Variants in TIAM2 observed in about 807,000 individuals in gnomAD.
TIAM2 encodes rho guanine nucleotide exchange factor TIAM2.
TIAM2 carries 80 observed loss-of-function variants against 152.9 expected under a neutral mutation model. That is an observed-to-expected ratio of 0.52 (90% CI 0.44 to 0.63). The LOEUF is 0.63. Ranked by LOEUF, TIAM2 falls within the 30% of genes least tolerant of loss-of-function variation. TIAM2 has a pLI of 0.00. For missense variants in TIAM2, 1,965 were observed against 2,120.1 expected (o/e 0.93, Z 1.44); for synonymous variants, 804 against 838.0 (o/e 0.96, Z 0.70).
At chr6:155,191,991 A>G (rs1226882652) in intron 14 of TIAM2, among the ~76,000 whole-genome samples, 1 of 152,178 alleles carries the variant, frequency 6.6e-6, no homozygotes, top group Admixed American at 6.5e-5. Flanking sequence ...TGAAGATATG[A>G]TTAAGTTAAC....
At chr6:155,009,091 C>CTT (rs61651734) in intron 1 of TIAM2, among the ~76,000 whole-genome samples, 18 of 61,470 alleles carry the variant, frequency 2.9e-4, no homozygotes, top group African/African-American at 4.8e-4. Context: ...CTCAGAAGAT[C>CTT]TTTTTTTTTT....
Position 155,183,256 on chromosome 6 carries a change from GA to G in TIAM2, c.2821del (p.Ile941SerfsTer2), listed in dbSNP as rs1562345608. ...YGEGLRKGNE[I>X]MTLNGEAVSD... Reference sequence around the variant, plus strand: ...TCTCAGGGCTGAGAAAGGGCAATGAGATCATGACCTTAAATGGGGAAGCTGT... The same window carrying G: ...TCTCAGGGCTGAGAAAGGGCAATGAGTCATGACCTTAAATGGGGAAGCTGT... On this transcript the variant is annotated frameshift_variant, in exon 14 of 27. Transcript: ENST00000682666. LOFTEE classifies it high-confidence loss of function. 1.2e-6 allele frequency: 2 copies of G among 1,614,052 alleles called. No individual in the cohort carries two copies. The highest frequency in any genetic ancestry group is 1.7e-6 in the Non-Finnish European group (2 of 1,180,020).
chr6:155,206,924 G>A (rs183787796), intron 14 of TIAM2, among the ~76,000 whole-genome samples: 618 of 152,296 alleles, frequency 4.1e-3, no homozygotes, highest in South Asian at 0.019. Flanking sequence ...TTTCTGGAGT[G>A]AGTCTGAACA....
chr6:155,072,556 G>T (rs1166375677), intron 1 of TIAM2, among the ~76,000 whole-genome samples: 1 of 152,142 alleles, frequency 6.6e-6, no homozygotes, highest in Non-Finnish European at 1.5e-5. Flanking sequence ...AGAAAGGGGG[G>T]CCAGGTGATA....
chr6:155,016,688 C>T (rs1778594088), intron 1 of TIAM2, among the ~76,000 whole-genome samples: 1 of 150,480 alleles, frequency 6.6e-6, no homozygotes, highest in Non-Finnish European at 1.5e-5. Context: ...TGCTTGAGGT[C>T]AGGAGTTCAA....
intron 2 of TIAM2, among the ~76,000 whole-genome samples, chr6:155,113,519 G>C (rs1285215862): frequency 6.6e-6 from 1 of 151,990 alleles, no homozygotes; most frequent in Admixed American, 6.6e-5. Flanking sequence ...TCAGGAGTTC[G>C]AGACCAGCCT....
chr6:155,034,293 C>T (rs1174709607), intron 1 of TIAM2, among the ~76,000 whole-genome samples: 1 of 152,084 alleles, frequency 6.6e-6, no homozygotes, highest in East Asian at 1.9e-4. Flanking sequence ...CTCCATTGCC[C>T]AGGCTGGAGT....
chr6:155,000,917 G>A (rs1325890055), intron 1 of TIAM2, among the ~76,000 whole-genome samples: 1 of 152,158 alleles, frequency 6.6e-6, no homozygotes, highest in Non-Finnish European at 1.5e-5. Flanking sequence ...CCGAGAGGTG[G>A]AGGTTGCAGT....
chr6:155,249,859 A>AATT lies in TIAM2; in HGVS notation c.3842_3843insTTA (p.Lys1281delinsAsnTer). 3 of 1,612,706 alleles carry AATT rather than the reference A, an allele frequency of 1.9e-6. No individual in the cohort carries two copies. Among genetic ancestry groups the AATT allele is most frequent in the Non-Finnish European group, 2.5e-6 (3 of 1,179,442 alleles). ...GATTTCATATCTTGCAGAAGCACTA[A>AATT]AGGCAATGGAGAAAGTAGCGAGCCA... On this transcript the variant is annotated stop_gained and protein_altering_variant, in exon 21 of 27. Coordinates refer to ENST00000682666, the MANE Select transcript of TIAM2 (RefSeq NM_012454.4). LOFTEE classifies it high-confidence loss of function.
rs150185368 is a variant in TIAM2, at chr6:155,148,211, G to A, written c.1905G>A (p.Leu635=). 742 of 1,613,244 alleles carry A rather than the reference G, an allele frequency of 4.6e-4. 2 individuals are homozygous for A. Among genetic ancestry groups the A allele is most frequent in the Middle Eastern group, 1.3e-3 (7 of 5,300 alleles). ...ATGGGAAAGAGGACACGCTGCGGCT[G>A]CTGAAGAACCAGACCAAAAACCTGC... The part of the protein sequence containing the change: ...KKHGKEDTLR[L]LKNQTKNLLQ... The change falls in exon 7 of 27, where the codon CTG becomes CTA. Residue 635 remains leucine (L), a synonymous_variant. Coordinates refer to ENST00000682666, the MANE Select transcript of TIAM2 (RefSeq NM_012454.4).
At chr6:155,093,553 C>A (rs923287265) in intron 2 of TIAM2, among the ~76,000 whole-genome samples, 16 of 152,212 alleles carry the variant, frequency 1.1e-4, no homozygotes, top group Non-Finnish European at 1.9e-4. Flanking sequence ...GCAGGAAGCA[C>A]TAGGACCGGC....
At chr6:155,185,489 CTTTT>C (rs1419094101) in intron 14 of TIAM2, among the ~76,000 whole-genome samples, 20 of 137,136 alleles carry the variant, frequency 1.5e-4, no homozygotes, top group Non-Finnish European at 2.8e-4. Context: ...AGTTAAGCCA[CTTTT>C]ATTTATTTAT....
intron 1 of TIAM2, chr6:155,005,054 G>A: frequency 2.1e-6 from 1 of 487,080 alleles, no homozygotes; most frequent in Non-Finnish European, 3.3e-6. Context: ...GCCAGTGGAT[G>A]GTCAGTTGCA....
chr6:155,199,460 A>G (rs1234073809), intron 14 of TIAM2, among the ~76,000 whole-genome samples: 2 of 152,196 alleles, frequency 1.3e-5, no homozygotes, highest in Non-Finnish European at 2.9e-5. Flanking sequence ...TAACATTTGT[A>G]AAAGACTATG....
chr6:155,140,686 G>A (rs1436980045), intron 5 of TIAM2, among the ~76,000 whole-genome samples: 3 of 151,956 alleles, frequency 2.0e-5, no homozygotes, highest in Non-Finnish European at 2.9e-5. Context: ...AGATGGAGGA[G>A]GGCATAAAGA....
intron 1 of TIAM2, among the ~76,000 whole-genome samples, chr6:155,019,997 G>T (rs1179224096): frequency 6.6e-6 from 1 of 152,074 alleles, no homozygotes; most frequent in African/African-American, 2.4e-5. Context: ...AGGTTGCAGT[G>T]AGCCGAGATT....
chr6:155,038,074 C>T (rs893757400), intron 1 of TIAM2, among the ~76,000 whole-genome samples: 29 of 152,152 alleles, frequency 1.9e-4, no homozygotes, highest in Non-Finnish European at 3.5e-4. Context: ...AAATAAGGAG[C>T]ATTAAAACAA....
chr6:155,237,715 T>C (rs1395007206), intron 15 of TIAM2, among the ~76,000 whole-genome samples: 7 of 152,252 alleles, frequency 4.6e-5, no homozygotes. Flanking sequence ...TCTGAAGCCA[T>C]GGCTCAAGCT....
chr6:155,027,320 C>A (rs1487501315), intron 1 of TIAM2, among the ~76,000 whole-genome samples: 3 of 147,176 alleles, frequency 2.0e-5, no homozygotes, highest in African/African-American at 7.4e-5. Flanking sequence ...GCCATCGCAC[C>A]TGTATATTAT....
Sources: allele counts gnomAD v4.1 joint callset (sites outside exome capture counted in the v4.1 genomes callset), GRCh38; gene constraint gnomAD v4.1.1; transcripts MANE v1.5; gene names NCBI Gene and HGNC (gene_info 2026-07-23, HGNC 2026-07-21).